Variants in TBL1XR1 observed in about 807,000 individuals in gnomAD.
TBL1XR1 encodes the protein F-box-like/WD repeat-containing protein TBL1XR1.
TBL1XR1 carries 5 observed loss-of-function variants against 66.9 expected under a neutral mutation model. The observed-to-expected ratio is 0.07, with a 90% confidence interval of 0.04 to 0.16. The LOEUF is 0.16. Among genes scored for constraint, TBL1XR1 ranks in the 10% least tolerant of loss-of-function variants. TBL1XR1 has a pLI of 1.00. For synonymous variants in TBL1XR1, 210 were observed against 206.0 expected (o/e 1.02, Z -0.17); for missense variants, 238 against 623.2 (o/e 0.38, Z 6.58).
At chr3:177,188,476 G>A (rs1735710635) in intron 1 of TBL1XR1, among the ~76,000 whole-genome samples, 1 of 152,086 alleles carries the variant, frequency 6.6e-6, no homozygotes, top group South Asian at 2.1e-4. Context: ...GAACCTGGGA[G>A]GTGGAGGGTG....
intron 2 of TBL1XR1, among the ~76,000 whole-genome samples, chr3:177,081,399 T>C (rs1721370934): frequency 6.6e-6 from 1 of 152,206 alleles, no homozygotes; most frequent in South Asian, 2.1e-4. Flanking sequence ...TTTTCAGCAA[T>C]TTTATCCATC....
At chr3:177,190,281 A>G (rs1735985429) in intron 1 of TBL1XR1, among the ~76,000 whole-genome samples, 1 of 152,134 alleles carries the variant, frequency 6.6e-6, no homozygotes, top group Non-Finnish European at 1.5e-5. Context: ...TACTGTGGCT[A>G]CTATTCCAGA....
intron 1 of TBL1XR1, among the ~76,000 whole-genome samples, chr3:177,108,725 G>T (rs536025897): frequency 1.1e-4 from 17 of 152,244 alleles, no homozygotes; most frequent in African/African-American, 3.8e-4. Flanking sequence ...TTTGAATTAT[G>T]AATTTCCATG....
chr3:177,111,127 T>C (rs1039610095), intron 1 of TBL1XR1, among the ~76,000 whole-genome samples: 1 of 152,040 alleles, frequency 6.6e-6, no homozygotes, highest in Non-Finnish European at 1.5e-5. Context: ...CCAGGAGCTA[T>C]TGTCTTTGCA....
chr3:177,116,369 T>A (rs757435507), intron 1 of TBL1XR1, among the ~76,000 whole-genome samples: 4 of 152,174 alleles, frequency 2.6e-5, no homozygotes, highest in African/African-American at 7.2e-5. Flanking sequence ...CCTCATTTCC[T>A]GTAAGTAAGC....
intron 2 of TBL1XR1, among the ~76,000 whole-genome samples, chr3:177,074,028 G>A (rs77402451): frequency 1.1e-3 from 163 of 152,298 alleles, no homozygotes; most frequent in Non-Finnish European, 1.7e-3. Flanking sequence ...AACAAAGAAT[G>A]CAGGTCTTTG....
intron 12 of TBL1XR1, among the ~76,000 whole-genome samples, chr3:177,036,418 C>A (rs1224372102): frequency 6.6e-6 from 1 of 152,186 alleles, no homozygotes; most frequent in Non-Finnish European, 1.5e-5. Flanking sequence ...ATTATCCATC[C>A]ATCCTAGTTT....
At chr3:177,067,134 C>T (rs571916622) in intron 2 of TBL1XR1, among the ~76,000 whole-genome samples, 5 of 152,268 alleles carry the variant, frequency 3.3e-5, no homozygotes, top group East Asian at 3.9e-4. Flanking sequence ...ACATAGCAGG[C>T]ACAGTCAATT....
In TBL1XR1 at chr3:177,041,864, G is replaced by A. The variant is rs139479072; in HGVS notation, c.926-3430C>T. On this transcript the variant is annotated intron_variant, in intron 10 of 15. Transcript: ENST00000457928. ...GAGTAGTAAGAAGACAAGCACGACT[G>A]CCATCATTTCAGGCTGGGTGTCGAG... is the stretch of plus-strand genomic sequence containing the variant. 7.6e-3 allele frequency among the ~76,000 whole-genome samples: 1,158 copies of A among 152,208 alleles called. 9 individuals carry two copies. Among genetic ancestry groups the A allele is most frequent in the South Asian group, 0.015 (71 of 4,820 alleles).
intron 1 of TBL1XR1, among the ~76,000 whole-genome samples, chr3:177,149,855 C>G (rs993161528): frequency 3.3e-5 from 5 of 152,178 alleles, no homozygotes; most frequent in African/African-American, 1.2e-4. Flanking sequence ...GACTTCAGTA[C>G]ATGCCTAAAA....
intron 1 of TBL1XR1, among the ~76,000 whole-genome samples, chr3:177,107,272 G>A (rs1229430190): frequency 1.3e-5 from 2 of 152,124 alleles, no homozygotes; most frequent in African/African-American, 2.4e-5. Flanking sequence ...TGAACTCAAA[G>A]AGTCGCTCTT....
In TBL1XR1 at chr3:177,072,701, G is replaced by A. The variant is rs571550456; in HGVS notation, c.-45-7679C>T. On this transcript the variant is annotated intron_variant, in intron 2 of 15. Transcript: ENST00000457928. ...CTAGCCACTTTTTTCATGGAACAGC[G>A]TTTATACTTCAAAGAAGAAATGACA... is the stretch of plus-strand genomic sequence containing the variant. Among the ~76,000 whole-genome samples, 9 of 152,290 alleles carry A rather than the reference G, an allele frequency of 5.9e-5. No homozygotes were observed. In the South Asian group the frequency reaches 6.2e-4, roughly 11 times the overall value.
chr3:177,038,885 G>T (rs767750422), intron 10 of TBL1XR1, among the ~76,000 whole-genome samples: 7 of 152,090 alleles, frequency 4.6e-5, no homozygotes, highest in Non-Finnish European at 1.0e-4. Flanking sequence ...TTAGATAAGG[G>T]TAACATGCAA....
chr3:177,182,246 G>A (rs1033663071), intron 1 of TBL1XR1, among the ~76,000 whole-genome samples: 3 of 152,000 alleles, frequency 2.0e-5, no homozygotes, highest in Non-Finnish European at 4.4e-5. Flanking sequence ...AAAATTAGCC[G>A]GGAATGGTGG....
intron 12 of TBL1XR1, among the ~76,000 whole-genome samples, chr3:177,036,021 T>C (rs1279639251): frequency 6.6e-6 from 1 of 152,166 alleles, no homozygotes; most frequent in Non-Finnish European, 1.5e-5. Context: ...TAATATTATA[T>C]GAGTAAACAA....
At chr3:177,174,472 C>T (rs966646873) in intron 1 of TBL1XR1, among the ~76,000 whole-genome samples, 2 of 146,458 alleles carry the variant, frequency 1.4e-5, no homozygotes, top group African/African-American at 5.0e-5. Flanking sequence ...TCAATAGCAA[C>T]TTCCCATAAC....
chr3:177,126,445 AATC>A (rs1436095056), intron 1 of TBL1XR1, among the ~76,000 whole-genome samples: 13 of 152,242 alleles, frequency 8.5e-5, no homozygotes, highest in Non-Finnish European at 1.9e-4. Context: ...AGAAGCTTTA[AATC>A]ATCAGGACTT....
At chr3:177,093,577 A>G (rs74344125) in intron 2 of TBL1XR1, among the ~76,000 whole-genome samples, 16 of 152,208 alleles carry the variant, frequency 1.1e-4, no homozygotes, top group African/African-American at 3.9e-4. Context: ...AAACTATACT[A>G]TAAGGCCATA....
At chr3:177,136,701 C>T (rs928992983) in intron 1 of TBL1XR1, among the ~76,000 whole-genome samples, 3 of 152,154 alleles carry the variant, frequency 2.0e-5, no homozygotes, top group Non-Finnish European at 4.4e-5. Flanking sequence ...CATGAAAAGG[C>T]ATTTGGGGCA....
Sources: gnomAD v4.1 joint callset for allele counts (sites outside exome capture counted in the v4.1 genomes callset) on GRCh38, gnomAD v4.1.1 for gene constraint, MANE v1.5 for transcripts, NCBI Gene and HGNC (gene_info 2026-07-23, HGNC 2026-07-21) for gene names.